The following SNTG1 variants were observed in gnomAD, a reference collection of about 807,000 sequenced individuals.
SNTG1 encodes syntrophin gamma 1, also known as gamma-1-syntrophin.
A neutral mutation model predicts 74.7 loss-of-function variants in SNTG1; 39 were observed. The ratio of observed to expected loss-of-function variants is 0.52; its 90% CI spans 0.40 to 0.68. The LOEUF is 0.68. Among genes scored for constraint, SNTG1 ranks in the 30% least tolerant of loss-of-function variants. The pLI is 0.00. For missense variants in SNTG1, 685 were observed against 609.5 expected, an observed-to-expected ratio of 1.12 and a Z score of -1.30; for synonymous variants, 254 against 217.1, an observed-to-expected ratio of 1.17 and a Z score of -1.49.
chr8:50,726,282 C>T (rs2095499840), intron 17 of SNTG1, among the ~76,000 whole-genome samples: 1 of 152,136 alleles, frequency 6.6e-6, no homozygotes, highest in Admixed American at 6.5e-5. Flanking sequence ...GTTTATTACA[C>T]AAGGTGCTAT....
intron 2 of SNTG1, among the ~76,000 whole-genome samples, chr8:50,199,063 G>A (rs543159441): frequency 6.6e-6 from 1 of 152,266 alleles, no homozygotes; most frequent in South Asian, 2.1e-4. Context: ...CTCAGATTTG[G>A]AATGCATTCT....
At chr8:50,539,448 T>C (rs2094330757) in intron 11 of SNTG1, among the ~76,000 whole-genome samples, 1 of 152,106 alleles carries the variant, frequency 6.6e-6, no homozygotes, top group Admixed American at 6.6e-5. Flanking sequence ...TCTTGGTTAC[T>C]AAAGGTTGGA....
chr8:50,386,845 C>T (rs563291975), intron 2 of SNTG1, among the ~76,000 whole-genome samples: 13 of 152,062 alleles, frequency 8.5e-5, no homozygotes, highest in Non-Finnish European at 1.5e-4. Context: ...ACCGGGCCCA[C>T]CTTCCACACT....
chr8:50,284,795 A>T (rs1022049062), intron 2 of SNTG1, among the ~76,000 whole-genome samples: 7 of 152,142 alleles, frequency 4.6e-5, no homozygotes, highest in African/African-American at 1.4e-4. Context: ...TTAATTACAT[A>T]TATACTTATT....
intron 2 of SNTG1, among the ~76,000 whole-genome samples, chr8:50,318,103 T>A (rs1226502454): frequency 6.6e-6 from 1 of 152,120 alleles, no homozygotes; most frequent in Non-Finnish European, 1.5e-5. Flanking sequence ...CCCAAAGTGC[T>A]GGGATTACAG....
At chr8:50,242,689 T>C (rs557515490) in intron 2 of SNTG1, among the ~76,000 whole-genome samples, 13 of 151,324 alleles carry the variant, frequency 8.6e-5, no homozygotes, top group African/African-American at 3.1e-4. Context: ...TTCCATTAAT[T>C]TGTTTGTATA....
chr8:50,325,086 A>G (rs1238250146), intron 2 of SNTG1, among the ~76,000 whole-genome samples: 3 of 149,608 alleles, frequency 2.0e-5, no homozygotes, highest in Admixed American at 6.7e-5. Context: ...ATGCATATAT[A>G]CATATATAAA....
At chr8:50,259,683 A>T (rs951009702) in intron 2 of SNTG1, among the ~76,000 whole-genome samples, 15 of 152,180 alleles carry the variant, frequency 9.9e-5, no homozygotes, top group African/African-American at 3.6e-4. Flanking sequence ...TATGATATAT[A>T]TGGATCTTGG....
At chr8:50,743,695 T>C (rs1450942372) in intron 17 of SNTG1, among the ~76,000 whole-genome samples, 1 of 151,326 alleles carries the variant, frequency 6.6e-6, no homozygotes, top group East Asian at 1.9e-4. Context: ...AAATTATCTC[T>C]GCTCACAGAT....
chr8:50,069,812 C>A (rs1213372766), intron 1 of SNTG1, among the ~76,000 whole-genome samples: 1 of 151,884 alleles, frequency 6.6e-6, no homozygotes, highest in African/African-American at 2.4e-5. Context: ...ATCCCCCACC[C>A]TTCCTGCTGG....
intron 8 of SNTG1, among the ~76,000 whole-genome samples, chr8:50,469,570 C>T (rs2093635354): frequency 1.3e-5 from 2 of 152,214 alleles, no homozygotes; most frequent in South Asian, 4.1e-4. Context: ...CCCACTCCCC[C>T]ACTTTTGTTG....
chr8:50,141,261 GC>G (rs1339606018), intron 1 of SNTG1, among the ~76,000 whole-genome samples: 1 of 152,182 alleles, frequency 6.6e-6, no homozygotes, highest in African/African-American at 2.4e-5. Flanking sequence ...GATGGTAAGT[GC>G]ATGTTGAACT....
chr8:50,160,459 T>C (rs1015192067), intron 1 of SNTG1, among the ~76,000 whole-genome samples: 1 of 152,190 alleles, frequency 6.6e-6, no homozygotes, highest in Non-Finnish European at 1.5e-5. Context: ...AAGGGTCATA[T>C]GGATTGCTTA....
At chr8:50,203,709 T>C (rs961381318) in intron 2 of SNTG1, among the ~76,000 whole-genome samples, 9 of 152,104 alleles carry the variant, frequency 5.9e-5, no homozygotes, top group African/African-American at 1.9e-4. Context: ...ATTTCATCCA[T>C]TGTACTATTA....
intron 1 of SNTG1, among the ~76,000 whole-genome samples, chr8:50,155,820 C>T (rs1249438058): frequency 1.3e-5 from 2 of 151,542 alleles, no homozygotes; most frequent in African/African-American, 4.8e-5. Context: ...TAACAGAAAA[C>T]AAACATAAGA....
intron 2 of SNTG1, among the ~76,000 whole-genome samples, chr8:50,352,215 G>T (rs1362684556): frequency 6.6e-6 from 1 of 152,092 alleles, no homozygotes; most frequent in African/African-American, 2.4e-5. Context: ...AGTAAAATTA[G>T]ATAATTAGCT....
chr8:50,581,701 G>GA lies in SNTG1; in HGVS notation c.811-9175dup, dbSNP rs566128320. On this transcript the variant is annotated intron_variant, in intron 12 of 18. Transcript: ENST00000642720. ...CACAGTGTATCAAGTGAGGGAAGGG[G>GA]AAATGGAAGCTTTTATTGGCACAAT... Among the ~76,000 whole-genome samples, 936 of 152,256 alleles carry GA rather than the reference G, an allele frequency of 6.1e-3. 2 individuals carry two copies. Among genetic ancestry groups the GA allele is most frequent in the Non-Finnish European group, 0.011 (724 of 68,006 alleles).
chr8:50,011,214 T>C (rs1408292414), intron 1 of SNTG1, among the ~76,000 whole-genome samples: 1 of 152,146 alleles, frequency 6.6e-6, no homozygotes, highest in African/African-American at 2.4e-5. Flanking sequence ...ATTCTGAATT[T>C]CAGCTCTGAC....
At chr8:50,147,739 A>C (rs1015032319) in intron 1 of SNTG1, among the ~76,000 whole-genome samples, 1 of 152,184 alleles carries the variant, frequency 6.6e-6, no homozygotes, top group Non-Finnish European at 1.5e-5. Flanking sequence ...ACAGATACAT[A>C]AATTATATGA....
Sources: gnomAD v4.1 joint callset for allele counts (sites outside exome capture counted in the v4.1 genomes callset) on GRCh38, gnomAD v4.1.1 for gene constraint, MANE v1.5 for transcripts, NCBI Gene and HGNC (gene_info 2026-07-23, HGNC 2026-07-21) for gene names.